Variants in SERINC5 observed in about 807,000 individuals in gnomAD.
SERINC5 encodes chromosome 5 open reading frame 12.
In SERINC5, 41 loss-of-function variants were observed where a neutral mutation model predicts 63.1. That is an observed-to-expected ratio of 0.65 (90% CI 0.51 to 0.84). The LOEUF (loss-of-function observed/expected upper bound fraction) is 0.84. Ranked by LOEUF, SERINC5 falls within the 40% of genes least tolerant of loss-of-function variation. The pLI is 0.00. For missense variants in SERINC5, 523 were observed against 573.0 expected, an observed-to-expected ratio of 0.91 and a Z score of 0.89; for synonymous variants, 222 against 215.2, an observed-to-expected ratio of 1.03 and a Z score of -0.28.
chr5:80,166,501 C>T lies in SERINC5; in HGVS notation c.764-23G>A, dbSNP rs750682914. 9.3e-6 allele frequency: 14 copies of T among 1,505,936 alleles called. No individual in the cohort carries two copies. In the Admixed American group the frequency reaches 2.1e-4, roughly 23 times the overall value. 93.3% of individuals were successfully genotyped at this position (1,505,936 alleles called of 1,614,324 possible). A position where few individuals can be genotyped will look rare whatever the true frequency, so the allele number is the denominator to read the frequency against. On this transcript the variant is annotated intron_variant, in intron 6 of 11. Transcript: ENST00000507668. ...GTCCTGAAAAGTGACAAGAGACAGA[C>T]AACAGGTTTTAATTTGAAGAAAAAG...
chr5:80,223,837 A>ACT (rs1751034438), intron 1 of SERINC5, among the ~76,000 whole-genome samples: 1 of 152,130 alleles, frequency 6.6e-6, no homozygotes, highest in Admixed American at 6.6e-5. Context: ...GAAAGTTAGA[A>ACT]AAGTCAAGCC....
At chr5:80,154,764 T>C (rs1746416650) in intron 8 of SERINC5, among the ~76,000 whole-genome samples, 1 of 152,222 alleles carries the variant, frequency 6.6e-6, no homozygotes, top group Admixed American at 6.5e-5. Context: ...TTCTTACTTT[T>C]TCCAGTTTTA....
downstream of SERINC5, among the ~76,000 whole-genome samples, chr5:80,136,673 A>G (rs1226088378): frequency 1.3e-5 from 2 of 152,252 alleles, no homozygotes; most frequent in East Asian, 3.8e-4. Context: ...AACCTACAGC[A>G]TCAGAGAAAA....
intron 1 of SERINC5, among the ~76,000 whole-genome samples, chr5:80,251,033 T>A (rs1029806777): frequency 1.3e-5 from 2 of 152,230 alleles, no homozygotes; most frequent in African/African-American, 4.8e-5. Flanking sequence ...CCTGGTGGCA[T>A]TCAAGGCTTT....
At chr5:80,194,865 G>A (rs1309596269) in intron 2 of SERINC5, among the ~76,000 whole-genome samples, 2 of 152,136 alleles carry the variant, frequency 1.3e-5, no homozygotes, top group Non-Finnish European at 2.9e-5. Flanking sequence ...GCAGCCCTGG[G>A]TTCTAATCCC....
rs191629562 is a variant in SERINC5 at position 80,173,514 on chromosome 5, C to T, written c.551+1440G>A. On this transcript the variant is annotated intron_variant, in intron 5 of 11. Coordinates refer to ENST00000507668, the MANE Select transcript of SERINC5 (RefSeq NM_001174072.3). ...GAGAGGCTGAGGCAGGAAAATGGCA[C>T]GAACCCGGGAGGCGGAGCTTGCAGT... Among the ~76,000 whole-genome samples, 55 of 152,128 alleles carry T rather than the reference C, an allele frequency of 3.6e-4. 1 individual carries two copies. The highest frequency in any genetic ancestry group is 8.3e-4 in the South Asian group (4 of 4,822).
chr5:80,253,807 A>G (rs1208526782), intron 1 of SERINC5, among the ~76,000 whole-genome samples: 1 of 152,208 alleles, frequency 6.6e-6, no homozygotes, highest in African/African-American at 2.4e-5. Flanking sequence ...CAGATAGGCC[A>G]TTGAGAGCAG....
At chr5:80,210,681 G>A (rs902813835) in intron 1 of SERINC5, among the ~76,000 whole-genome samples, 4 of 152,084 alleles carry the variant, frequency 2.6e-5, no homozygotes, top group East Asian at 1.9e-4. Context: ...CCTCTCTCAC[G>A]TCTTACTTTC....
At chr5:80,213,828 T>C (rs553362383) in intron 1 of SERINC5, among the ~76,000 whole-genome samples, 1 of 152,286 alleles carries the variant, frequency 6.6e-6, no homozygotes, top group Admixed American at 6.5e-5. Flanking sequence ...TCTATGGAAA[T>C]AACCAGGCCA....
chr5:80,243,785 A>AAAT (rs1449805916), intron 1 of SERINC5, among the ~76,000 whole-genome samples: 2 of 148,418 alleles, frequency 1.3e-5, no homozygotes, highest in African/African-American at 4.9e-5. Context: ...ATAAATAAAT[A>AAAT]AAACAAAATA....
In SERINC5 at chr5:80,169,566, G is replaced by C. The variant is rs1747518866; in HGVS notation, c.552-20C>G. The C allele has an allele frequency of 6.3e-7, 1 of 1,592,888 alleles. No individual in the cohort carries two copies. The highest frequency in any genetic ancestry group is 1.3e-5 in the African/African-American group (1 of 74,430). On this transcript the variant is annotated intron_variant, in intron 5 of 11. Coordinates refer to ENST00000507668, the MANE Select transcript of SERINC5 (RefSeq NM_001174072.3). ...GCTGTCCTGTTTCTCCGGGAAGTGGGTAAGAGGGAGAGGAGAGAAGACAAG... is the reference window on the plus strand; with the variant it reads ...GCTGTCCTGTTTCTCCGGGAAGTGGCTAAGAGGGAGAGGAGAGAAGACAAG...
At chr5:80,241,415 G>A (rs1034770085) in intron 1 of SERINC5, among the ~76,000 whole-genome samples, 1 of 152,168 alleles carries the variant, frequency 6.6e-6, no homozygotes, top group Non-Finnish European at 1.5e-5. Flanking sequence ...GTTGCAGTGA[G>A]CCAAAATCGC....
At chr5:80,216,441 A>G (rs1750666148) in intron 1 of SERINC5, among the ~76,000 whole-genome samples, 1 of 152,224 alleles carries the variant, frequency 6.6e-6, no homozygotes, top group South Asian at 2.1e-4. Context: ...ACAGGAGAGC[A>G]TGCTGGCAAC....
intron 2 of SERINC5, among the ~76,000 whole-genome samples, chr5:80,179,050 A>C (rs1207795974): frequency 6.6e-6 from 1 of 152,216 alleles, no homozygotes; most frequent in East Asian, 1.9e-4. Flanking sequence ...CTGTAATCCC[A>C]GCACTTTGGG....
intron 1 of SERINC5, among the ~76,000 whole-genome samples, chr5:80,221,648 A>C (rs1364533257): frequency 2.6e-5 from 4 of 152,154 alleles, no homozygotes; most frequent in Admixed American, 2.6e-4. Context: ...TGAAGAGAAA[A>C]CTGCAATATT....
intron 6 of SERINC5, among the ~76,000 whole-genome samples, chr5:80,168,274 A>C (rs1747431641): frequency 6.6e-6 from 1 of 151,808 alleles, no homozygotes; most frequent in Non-Finnish European, 1.5e-5. Flanking sequence ...GGCTCACTGC[A>C]AGCCCCGCCT....
At chr5:80,211,687 G>A (rs996009320) in intron 1 of SERINC5, among the ~76,000 whole-genome samples, 20 of 152,206 alleles carry the variant, frequency 1.3e-4, no homozygotes, top group Non-Finnish European at 7.3e-5. Flanking sequence ...CTAAGTTGAT[G>A]TGAAAGCCTG....
chr5:80,174,679 G>A (rs935661967), intron 5 of SERINC5, among the ~76,000 whole-genome samples: 3 of 152,146 alleles, frequency 2.0e-5, no homozygotes, highest in South Asian at 2.1e-4. Flanking sequence ...CGAGGTGGGC[G>A]GATCACGAGG....
chr5:80,124,067 C>G (rs913019633), intron 11 of SERINC5, among the ~76,000 whole-genome samples: 1 of 152,278 alleles, frequency 6.6e-6, no homozygotes, highest in East Asian at 1.9e-4. Flanking sequence ...AAATAGAACC[C>G]TGACCCACAA....
Sources: gnomAD v4.1 joint callset for allele counts (sites outside exome capture counted in the v4.1 genomes callset) on GRCh38, gnomAD v4.1.1 for gene constraint, MANE v1.5 for transcripts, NCBI Gene and HGNC (gene_info 2026-07-23, HGNC 2026-07-21) for gene names.